The following CSMD3 variants were observed in gnomAD, a reference collection of about 807,000 sequenced individuals.
The protein encoded by CSMD3 is CUB and sushi domain-containing protein 3.
In CSMD3, 177 loss-of-function variants were observed where a neutral mutation model predicts 435.2. That is an observed-to-expected ratio of 0.41 (90% CI 0.36 to 0.46). The LOEUF (loss-of-function observed/expected upper bound fraction) is 0.46, where lower values mean the gene tolerates loss of function less well. CSMD3 is among the 20% of genes least tolerant of loss of function. The pLI, the probability that CSMD3 is intolerant of heterozygous loss-of-function variation, is 0.34. For synonymous variants in CSMD3, 1,656 were observed against 1,520.5 expected, an observed-to-expected ratio of 1.09 and a Z score of -2.07; for missense variants, 4,265 against 4,504.6, an observed-to-expected ratio of 0.95 and a Z score of 1.52.
chr8:113,356,038 TTATC>T (rs1355752255), intron 1 of CSMD3, among the ~76,000 whole-genome samples: 2 of 151,520 alleles, frequency 1.3e-5, no homozygotes, highest in East Asian at 3.9e-4. Flanking sequence ...TTAAATAACA[TTATC>T]TAATACATTT....
At chr8:112,963,402 C>G (rs1394315249) in intron 7 of CSMD3, among the ~76,000 whole-genome samples, 2 of 151,892 alleles carry the variant, frequency 1.3e-5, no homozygotes, top group Non-Finnish European at 2.9e-5. Flanking sequence ...ACCTCTGGTA[C>G]ATGGAAATTA....
rs2081399718 is a variant in CSMD3, at chr8:112,879,890, A to C, written c.1634-20624T>G. ...AACAATGAGAATACATGGATACAGGAAGGGGAACATCACACACCTGGGCCT... is the reference window on the plus strand; with the variant it reads ...AACAATGAGAATACATGGATACAGGCAGGGGAACATCACACACCTGGGCCT... On this transcript the variant is annotated intron_variant, in intron 10 of 70. Coordinates refer to ENST00000297405, the MANE Select transcript of CSMD3 (RefSeq NM_198123.2). Among the ~76,000 whole-genome samples, 3 of 151,900 alleles carry C rather than the reference A, an allele frequency of 2.0e-5. No individual in the cohort carries two copies. In the South Asian group the frequency reaches 6.2e-4, roughly 32 times the overall value.
intron 11 of CSMD3, among the ~76,000 whole-genome samples, chr8:112,841,640 G>A (rs909725200): frequency 5.9e-5 from 9 of 151,786 alleles, no homozygotes; most frequent in Non-Finnish European, 2.9e-5. Context: ...CCCAGGTAAT[G>A]TCTAGCTAAG....
At chr8:112,232,391 T>G (rs1813170005) in intron 68 of CSMD3, among the ~76,000 whole-genome samples, 1 of 152,100 alleles carries the variant, frequency 6.6e-6, no homozygotes, top group Non-Finnish European at 1.5e-5. Flanking sequence ...GCAAATCACT[T>G]GAGGTCAGGA....
In CSMD3 at chr8:113,390,644, G is replaced by A. The variant is rs188164981; in HGVS notation, c.178+46033C>T. On this transcript the variant is annotated intron_variant, in intron 1 of 70. Transcript: ENST00000297405. Reference sequence around the variant, plus strand: ...AAAATCAATAGATTAACAAGGGAACGCTTTGTCTTATTATCTTTTATATTT... The same window carrying A: ...AAAATCAATAGATTAACAAGGGAACACTTTGTCTTATTATCTTTTATATTT... Among the ~76,000 whole-genome samples the A allele has an allele frequency of 7.9e-5, 12 of 151,830 alleles. No individual in the cohort carries two copies. In the East Asian group the frequency reaches 1.5e-3, roughly 20 times the overall value.
intron 1 of CSMD3, among the ~76,000 whole-genome samples, chr8:113,406,350 G>T (rs1309016757): frequency 2.0e-5 from 3 of 151,880 alleles, no homozygotes; most frequent in South Asian, 4.1e-4. Flanking sequence ...CTAGAAAAGT[G>T]ACAGTAGACA....
intron 18 of CSMD3, among the ~76,000 whole-genome samples, chr8:112,651,748 G>T (rs1454499284): frequency 6.6e-6 from 1 of 151,892 alleles, no homozygotes; most frequent in African/African-American, 2.4e-5. Flanking sequence ...ATGCTGGCCA[G>T]GCTGGTCTTG....
Position 113,199,373 on chromosome 8 carries a change from G to GAAT in CSMD3, c.515-25460_515-25458dup, listed in dbSNP as rs758920125. ...TGAAACAGCCTTTATTCATCATTGAGAATAACTGGTACCAAGTAGATTACT... is the reference window on the plus strand; with the variant it reads ...TGAAACAGCCTTTATTCATCATTGAGAATAATAACTGGTACCAAGTAGATTACT... On this transcript the variant is annotated intron_variant, in intron 3 of 70. Coordinates refer to ENST00000297405, the MANE Select transcript of CSMD3 (RefSeq NM_198123.2). Among the ~76,000 whole-genome samples the GAAT allele has an allele frequency of 3.0e-4, 46 of 151,770 alleles. No homozygotes were observed. The East Asian group carries it at 8.2e-3, about 27-fold the overall frequency.
Position 112,954,376 on chromosome 8 carries a change from C to T in CSMD3, c.1420+308G>A, listed in dbSNP as rs535377270. Among the ~76,000 whole-genome samples the T allele has an allele frequency of 4.0e-5, 6 of 151,520 alleles. No homozygotes were observed. The South Asian group carries it at 1.0e-3, about 26-fold the overall frequency. On this transcript the variant is annotated intron_variant, in intron 8 of 70. Transcript: ENST00000297405. ...CAATTTTAGAAATGTTACTCATTTT[C>T]GCCTCACCTTCTAGAACTAAACTTG...
At chr8:112,976,988 T>C (rs930481796) in intron 6 of CSMD3, among the ~76,000 whole-genome samples, 2 of 152,054 alleles carry the variant, frequency 1.3e-5, no homozygotes, top group African/African-American at 4.8e-5. Context: ...TGTATAATAT[T>C]ACCACATTTT....
intron 13 of CSMD3, among the ~76,000 whole-genome samples, chr8:112,741,789 G>GAT (rs1563915522): frequency 1.5e-4 from 15 of 103,446 alleles, no homozygotes; most frequent in African/African-American, 4.9e-4. Context: ...TAGATAGATA[G>GAT]AGAGAAGATA....
At chr8:112,431,916 G>A (rs1813752989) in intron 32 of CSMD3, among the ~76,000 whole-genome samples, 2 of 152,064 alleles carry the variant, frequency 1.3e-5, no homozygotes, top group Admixed American at 1.3e-4. Context: ...TGCACAGCTT[G>A]AAAATCTTTT....
At chr8:113,238,261 T>G (rs79913445) in intron 3 of CSMD3, among the ~76,000 whole-genome samples, 4,503 of 152,158 alleles carry the variant, frequency 0.03, 87 homozygotes, top group Non-Finnish European at 0.04. Context: ...GTAATCTAGG[T>G]CAACCTTTTT....
At chr8:113,066,632 T>C (rs1027007612) in intron 5 of CSMD3, among the ~76,000 whole-genome samples, 1 of 151,980 alleles carries the variant, frequency 6.6e-6, no homozygotes, top group South Asian at 2.1e-4. Flanking sequence ...ATTCCTGCTA[T>C]AAATCTGAAA....
At chr8:112,370,118 C>G (rs369230211) in intron 38 of CSMD3, among the ~76,000 whole-genome samples, 10 of 150,676 alleles carry the variant, frequency 6.6e-5, no homozygotes, top group Admixed American at 5.3e-4. Context: ...TATTTGTATA[C>G]TCAGTGATAA....
chr8:112,827,206 T>TAA (rs1425099288), intron 12 of CSMD3, among the ~76,000 whole-genome samples: 3 of 132,760 alleles, frequency 2.3e-5, no homozygotes, highest in East Asian at 2.3e-4. Context: ...TATATATATA[T>TAA]AATCTTTCTA....
chr8:112,727,162 T>C (rs912195562), intron 13 of CSMD3, among the ~76,000 whole-genome samples: 1 of 151,880 alleles, frequency 6.6e-6, no homozygotes, highest in Non-Finnish European at 1.5e-5. Context: ...ATTATAGAAT[T>C]TTCCTGATTT....
intron 3 of CSMD3, among the ~76,000 whole-genome samples, chr8:113,256,197 G>C (rs2093379515): frequency 6.6e-6 from 1 of 152,034 alleles, no homozygotes; most frequent in South Asian, 2.1e-4. Context: ...TGGTTGTGTT[G>C]ATAAATATCA....
intron 3 of CSMD3, among the ~76,000 whole-genome samples, chr8:113,212,684 A>C (rs1431606568): frequency 2.0e-5 from 3 of 151,904 alleles, no homozygotes; most frequent in African/African-American, 7.3e-5. Flanking sequence ...TGGGAATTGA[A>C]CAATGAGAAC....
Sources: gnomAD v4.1 joint callset for allele counts (sites outside exome capture counted in the v4.1 genomes callset) on GRCh38, gnomAD v4.1.1 for gene constraint, MANE v1.5 for transcripts, NCBI Gene and HGNC (gene_info 2026-07-23, HGNC 2026-07-21) for gene names.